The following POTEG variants were observed in gnomAD, a reference collection of about 807,000 sequenced individuals.
POTEG encodes the protein ANKRD26-like family C member 2.
Under a neutral mutation model 49.6 loss-of-function variants are expected in POTEG, and 2 were observed. That is an observed-to-expected ratio of 0.04 (90% CI 0.02 to 0.13). The LOEUF (loss-of-function observed/expected upper bound fraction) is 0.13. POTEG is among the 10% of genes least tolerant of loss of function. POTEG has a pLI of 1.00. For missense variants in POTEG, 26 were observed against 545.2 expected (o/e 0.05, Z 9.48); for synonymous variants, 7 against 186.6 (o/e 0.04, Z 7.84).
At position 19,433,303 on chromosome 14, in the gene POTEG, G is replaced by C. The variant is rs368678596; in HGVS notation, c.521+466C>G. On this transcript the variant is annotated intron_variant, in intron 1 of 10. Transcript: ENST00000547848. ...CATCTTCCCATTTCAGTTCTTCTAA[G>C]TAATCTTCTAAGATTACTCAGTAAA... 3.4e-5 allele frequency among the ~76,000 whole-genome samples: 4 copies of C among 117,446 alleles called. 2 individuals carry two copies. In the East Asian group the frequency reaches 9.8e-4, roughly 29 times the overall value. The allele number at this position is 117,446 out of a possible 152,430, so 77.0% of individuals were successfully genotyped here.
chr14:19,433,232 G>T (rs997138434), intron 1 of POTEG, among the ~76,000 whole-genome samples: 1 of 138,922 alleles, frequency 7.2e-6, no homozygotes, highest in African/African-American at 2.7e-5. Context: ...CAGCCAAAAA[G>T]CTCACATCTT....
intron 7 of POTEG, among the ~76,000 whole-genome samples, chr14:19,415,829 A>ATTTTTTTTTTTTTT (rs58833974): frequency 1.0e-5 from 1 of 96,744 alleles, no homozygotes; most frequent in African/African-American, 4.5e-5. Flanking sequence ...ATCTATTAAA[A>ATTTTTTTTTTTTTT]TTTTTTTTTT....
intron 7 of POTEG, among the ~76,000 whole-genome samples, 168 bp from the exon 8 acceptor site, chr14:19,414,774 T>G (rs1363935463): frequency 6.8e-6 from 1 of 146,626 alleles, no homozygotes; most frequent in African/African-American, 2.5e-5. Context: ...ATAATTAAAA[T>G]TAAGATTAAC....
chr14:19,414,769 T>C (rs2139154578), intron 7 of POTEG, among the ~76,000 whole-genome samples, 163 bp from the exon 8 acceptor site: 1 of 147,226 alleles, frequency 6.8e-6, no homozygotes, highest in East Asian at 1.9e-4. Flanking sequence ...AAATAATAAT[T>C]AAAATTAAGA....
chr14:19,424,766 A>C (rs1479897962), intron 4 of POTEG: 2 of 50,408 alleles, frequency 4.0e-5, no homozygotes, highest in African/African-American at 1.3e-4. Context: ...GCCAATAAGC[A>C]TGTGCTAGGC....
Position 19,415,014 on chromosome 14 carries a change from C to T in POTEG, c.1198-408G>A, listed in dbSNP as rs1352515405. On this transcript the variant is annotated intron_variant, in intron 7 of 10. Coordinates refer to ENST00000547848, the MANE Select transcript of POTEG (RefSeq NM_001005356.3). ...TTGAAAAGAGTTTACCTCATGAAACCCTAACTAGTGAGCCCCCACAGTGCA... is the reference window on the plus strand; with the variant it reads ...TTGAAAAGAGTTTACCTCATGAAACTCTAACTAGTGAGCCCCCACAGTGCA... Among the ~76,000 whole-genome samples the T allele has an allele frequency of 2.1e-4, 30 of 144,250 alleles. 2 individuals are homozygous for T. The highest frequency in any genetic ancestry group is 1.9e-3 in the Admixed American group (28 of 14,500). 94.6% of individuals were successfully genotyped at this position (144,250 alleles called of 152,430 possible). A position where few individuals can be genotyped will look rare whatever the true frequency, so the allele number is the denominator to read the frequency against.
chr14:19,416,376 TATTCAGTTA>T lies in POTEG; in HGVS notation c.1127-27_1127-19del, dbSNP rs1883575392. On this transcript the variant is annotated intron_variant, in intron 6 of 10. Coordinates refer to ENST00000547848, the MANE Select transcript of POTEG (RefSeq NM_001005356.3). ...GTCTTGTTCTGTTGAAAAATCCATA[TATTCAGTTA>T]AAATCAACCACTTACAACAGTTAAA... 3 of 1,517,034 alleles carry T rather than the reference TATTCAGTTA, an allele frequency of 2.0e-6. No homozygotes were observed. In the African/African-American group the frequency reaches 4.4e-5, roughly 22 times the overall value. 94.0% of individuals were successfully genotyped at this position (1,517,034 alleles called of 1,614,324 possible).
intron 1 of POTEG, among the ~76,000 whole-genome samples, chr14:19,433,094 T>C (rs1884227733): frequency 7.0e-6 from 1 of 142,906 alleles, no homozygotes; most frequent in Non-Finnish European, 1.5e-5. Flanking sequence ...CCAGCTAATT[T>C]TTTTTATATT....
intron 7 of POTEG, among the ~76,000 whole-genome samples, chr14:19,415,475 C>T (rs1883517283): frequency 6.8e-6 from 1 of 147,250 alleles, no homozygotes; most frequent in African/African-American, 2.4e-5. Flanking sequence ...CAATCACTGG[C>T]CATGATTACT....
intron 4 of POTEG, chr14:19,424,991 T>C (rs1162399003): frequency 3.6e-5 from 4 of 110,366 alleles, no homozygotes; most frequent in Non-Finnish European, 7.5e-5. Context: ...CTTGTCTTCA[T>C]TAAAGGAAAA....
At chr14:19,424,641 C>G in intron 4 of POTEG, 1 of 81,074 alleles carries the variant, frequency 1.2e-5, no homozygotes, top group Non-Finnish European at 2.6e-5. Flanking sequence ...GACTGATATG[C>G]TGTAATAGAA....
intron 1 of POTEG, among the ~76,000 whole-genome samples, chr14:19,432,389 T>TAC (rs1884175801): frequency 1.1e-5 from 1 of 88,302 alleles, no homozygotes; most frequent in Non-Finnish European, 2.5e-5. Context: ...TATATATATA[T>TAC]ATATATATAT....
chr14:19,432,431 C>A (rs1460015204), intron 1 of POTEG, among the ~76,000 whole-genome samples: 4 of 19,300 alleles, frequency 2.1e-4, no homozygotes, highest in East Asian at 1.4e-3. Flanking sequence ...TATGTATATA[C>A]GTATATATAT....
At chr14:19,432,403 T>TACAC (rs1555310381) in intron 1 of POTEG, among the ~76,000 whole-genome samples, 1,219 of 43,594 alleles carry the variant, frequency 0.028, 15 homozygotes, top group Non-Finnish European at 0.04. Flanking sequence ...TATATATATA[T>TACAC]ACACACACAT....
intron 7 of POTEG, among the ~76,000 whole-genome samples, chr14:19,415,704 G>C (rs1292089252): frequency 6.6e-6 from 1 of 151,900 alleles, no homozygotes; most frequent in Non-Finnish European, 1.5e-5. Flanking sequence ...TTTAAAATAA[G>C]AGTATTTTAA....
chr14:19,419,855 C>T (rs1331955602), intron 6 of POTEG, among the ~76,000 whole-genome samples: 12 of 131,404 alleles, frequency 9.1e-5, no homozygotes, highest in Admixed American at 2.3e-4. Context: ...TTTTAGCCAC[C>T]GCTCATCTAG....
chr14:19,432,393 TATATATATATAC>T (rs1328148487), intron 1 of POTEG, among the ~76,000 whole-genome samples: 2 of 93,554 alleles, frequency 2.1e-5, no homozygotes, highest in African/African-American at 8.0e-5. Flanking sequence ...TATATATATA[TATATATATATAC>T]ACACACATGT....
At chr14:19,433,162 C>A (rs1227768436) in intron 1 of POTEG, among the ~76,000 whole-genome samples, 1 of 148,508 alleles carries the variant, frequency 6.7e-6, no homozygotes, top group Non-Finnish European at 1.5e-5. Flanking sequence ...CTCCTGACCC[C>A]ATGATCTGCC....
In POTEG at chr14:19,432,403, T is replaced by TATATATATAC. The variant is rs1330765784; in HGVS notation, c.521+1365_521+1366insGTATATATAT. ...ATATATATATATATATATATATATA[T>TATATATATAC]ACACACACATGTATATATATGTATA... On this transcript the variant is annotated intron_variant, in intron 1 of 10. Coordinates refer to ENST00000547848, the MANE Select transcript of POTEG (RefSeq NM_001005356.3). 4.6e-3 allele frequency among the ~76,000 whole-genome samples: 205 copies of TATATATATAC among 44,446 alleles called. 2 individuals are homozygous for TATATATATAC. Among genetic ancestry groups the TATATATATAC allele is most frequent in the East Asian group, 0.014 (24 of 1,736 alleles). The allele number at this position is 44,446 out of a possible 152,430, so 29.2% of individuals were successfully genotyped here. A position where few individuals can be genotyped will look rare whatever the true frequency, so the allele number is the denominator to read the frequency against.
Sources: gnomAD v4.1 joint callset for allele counts (sites outside exome capture counted in the v4.1 genomes callset) on GRCh38, gnomAD v4.1.1 for gene constraint, MANE v1.5 for transcripts, NCBI Gene and HGNC (gene_info 2026-07-23, HGNC 2026-07-21) for gene names.